The following MRPL48 variants were observed in gnomAD, a reference collection of about 807,000 sequenced individuals.
MRPL48 encodes the protein large ribosomal subunit protein mL48.
Under a neutral mutation model 32.9 loss-of-function variants are expected in MRPL48, and 16 were observed. That is an observed-to-expected ratio of 0.49 (90% CI 0.33 to 0.74). The LOEUF (loss-of-function observed/expected upper bound fraction) is 0.74, where lower values mean the gene tolerates loss of function less well. MRPL48 is among the 30% of genes least tolerant of loss of function. The pLI is 0.02. For missense variants in MRPL48, 206 were observed against 245.3 expected (o/e 0.84, Z 1.07); for synonymous variants, 94 against 89.2 (o/e 1.05, Z -0.31).
chr11:73,827,665 C>A (rs1024124542), intron 4 of MRPL48, among the ~76,000 whole-genome samples: 1 of 152,130 alleles, frequency 6.6e-6, no homozygotes, highest in Non-Finnish European at 1.5e-5. Context: ...AATGCTCCCA[C>A]GCAACCACAC....
chr11:73,788,070 G>T, intron 1 of MRPL48, 78 bp downstream of exon 1: 2 of 1,574,958 alleles, frequency 1.3e-6, no homozygotes, highest in Non-Finnish European at 1.7e-6. Context: ...AGGGTGCAGA[G>T]CGGGGAGGTG....
intron 1 of MRPL48, among the ~76,000 whole-genome samples, chr11:73,799,195 A>C (rs746132611): frequency 1.1e-4 from 17 of 152,066 alleles, no homozygotes; most frequent in Non-Finnish European, 1.6e-4. Flanking sequence ...ATCTCTACAA[A>C]GAAAAAATTA....
At chr11:73,852,179 C>T (rs571074111) in intron 5 of MRPL48, among the ~76,000 whole-genome samples, 5 of 152,044 alleles carry the variant, frequency 3.3e-5, no homozygotes, top group African/African-American at 9.6e-5. Flanking sequence ...CTGAATCAAG[C>T]GGTTTGTTTA....
chr11:73,813,486 T>C (rs1296794196), intron 3 of MRPL48, among the ~76,000 whole-genome samples: 1 of 152,102 alleles, frequency 6.6e-6, no homozygotes, highest in East Asian at 1.9e-4. Flanking sequence ...TTTATGTTTT[T>C]TTGTCAATTT....
chr11:73,834,050 T>C (rs969465977), intron 4 of MRPL48, among the ~76,000 whole-genome samples: 2 of 152,118 alleles, frequency 1.3e-5, no homozygotes, highest in Non-Finnish European at 2.9e-5. Context: ...GGTTTCACCA[T>C]GTTGCTCAGG....
rs760888869 is a variant in MRPL48 at position 73,859,887 on chromosome 11, C to T, written c.372-20C>T. On this transcript the variant is annotated intron_variant, in intron 5 of 7. Coordinates refer to ENST00000310614, the MANE Select transcript of MRPL48 (RefSeq NM_016055.6). ...TGGCTTCAGTGAACACTCACTATAG[C>T]TGACTCTTCCTTCCCACAGTTATGC... 10 of 1,608,004 alleles carry T rather than the reference C, an allele frequency of 6.2e-6. No individual in the cohort carries two copies. The highest frequency in any genetic ancestry group is 8.5e-6 in the Non-Finnish European group (10 of 1,175,206).
chr11:73,845,076 A>C, intron 5 of MRPL48, 100 bp downstream of exon 5: 1 of 1,216,700 alleles, frequency 8.2e-7, no homozygotes, highest in Non-Finnish European at 1.1e-6. Context: ...ATGTAGTAAA[A>C]TTAACTCTTT....
chr11:73,829,240 G>T (rs934664157), intron 4 of MRPL48, among the ~76,000 whole-genome samples: 22 of 152,138 alleles, frequency 1.4e-4, no homozygotes, highest in African/African-American at 5.1e-4. Flanking sequence ...TCTTCACCTG[G>T]CTAATTCCTC....
intron 5 of MRPL48, among the ~76,000 whole-genome samples, chr11:73,846,272 C>A (rs1948285703): frequency 6.6e-6 from 1 of 151,970 alleles, no homozygotes; most frequent in African/African-American, 2.4e-5. Context: ...ATCATAATAT[C>A]CTCAAAGGTC....
At chr11:73,799,771 A>T (rs1377195943) in intron 1 of MRPL48, among the ~76,000 whole-genome samples, 1 of 152,202 alleles carries the variant, frequency 6.6e-6, no homozygotes, top group Non-Finnish European at 1.5e-5. Flanking sequence ...TGTACTCCCT[A>T]AATCTATATA....
chr11:73,831,186 T>G lies in MRPL48; in HGVS notation c.201+5390T>G, dbSNP rs567129505. 3.9e-5 allele frequency among the ~76,000 whole-genome samples: 6 copies of G among 152,236 alleles called. No homozygotes were observed. The East Asian group carries it at 1.2e-3, about 29-fold the overall frequency. ...TGGCCCGGTTTATAACTCTGAATAG[T>G]TTCCCATCCCTCCATCCCGTGTCCT... On this transcript the variant is annotated intron_variant, in intron 4 of 7. Transcript: ENST00000310614.
intron 1 of MRPL48, among the ~76,000 whole-genome samples, chr11:73,788,567 G>T (rs1286827391): frequency 5.4e-5 from 8 of 146,896 alleles, no homozygotes; most frequent in Non-Finnish European, 8.9e-5. Context: ...TTCGCCTTCC[G>T]GGTTCAAGCG....
chr11:73,817,617 C>T (rs973999212), intron 3 of MRPL48, among the ~76,000 whole-genome samples: 2 of 152,086 alleles, frequency 1.3e-5, no homozygotes, highest in Non-Finnish European at 2.9e-5. Context: ...TGTACATTTA[C>T]TTGCTATTTA....
At chr11:73,836,761 T>C (rs1002552944) in intron 4 of MRPL48, among the ~76,000 whole-genome samples, 1 of 152,190 alleles carries the variant, frequency 6.6e-6, no homozygotes, top group Non-Finnish European at 1.5e-5. Context: ...TTCCATTTCA[T>C]ATAAATTCAC....
intron 3 of MRPL48, 26 bp from the exon 4 acceptor site, chr11:73,825,682 G>T (rs376035025): frequency 9.1e-6 from 14 of 1,535,918 alleles, no homozygotes; most frequent in Non-Finnish European, 1.2e-5. Context: ...CAAAAAAACA[G>T]GTTTGTCTTA....
rs571167923 is a variant in MRPL48, at chr11:73,804,219, A to G, written c.22-808A>G. ...AGGCATGAGCCACCGTGCCCAGCCT[A>G]TCACTGTTATTGAGAGAGACAGTGT... On this transcript the variant is annotated intron_variant, in intron 1 of 7. Transcript: ENST00000310614. 2.7e-5 allele frequency among the ~76,000 whole-genome samples: 4 copies of G among 149,190 alleles called. No homozygotes were observed. The South Asian group carries it at 8.6e-4, about 32-fold the overall frequency.
chr11:73,826,981 G>C (rs1020121113), intron 4 of MRPL48, among the ~76,000 whole-genome samples: 1 of 150,806 alleles, frequency 6.6e-6, no homozygotes, highest in East Asian at 2.0e-4. Context: ...TCTCCATGTT[G>C]GCCAGGCTGG....
rs763813444 is a variant in MRPL48, at chr11:73,859,875, C to T, written c.372-32C>T. 55 of 1,582,094 alleles carry T rather than the reference C, an allele frequency of 3.5e-5. No homozygotes were observed. In the East Asian group the frequency reaches 1.2e-3, roughly 34 times the overall value. Reference sequence around the variant, plus strand: ...TGAAGTGGCTGCTGGCTTCAGTGAACACTCACTATAGCTGACTCTTCCTTC... The same window carrying T: ...TGAAGTGGCTGCTGGCTTCAGTGAATACTCACTATAGCTGACTCTTCCTTC... On this transcript the variant is annotated intron_variant, in intron 5 of 7. Coordinates refer to ENST00000310614, the MANE Select transcript of MRPL48 (RefSeq NM_016055.6).
At chr11:73,845,576 C>T (rs1196736364) in intron 5 of MRPL48, among the ~76,000 whole-genome samples, 4 of 151,108 alleles carry the variant, frequency 2.6e-5, no homozygotes, top group Non-Finnish European at 5.9e-5. Flanking sequence ...AGTTTGAGAC[C>T]TGCCTGGGCA....
Sources: allele counts gnomAD v4.1 joint callset (sites outside exome capture counted in the v4.1 genomes callset), GRCh38; gene constraint gnomAD v4.1.1; transcripts MANE v1.5; gene names NCBI Gene and HGNC (gene_info 2026-07-23, HGNC 2026-07-21).